The following WDR26 variants were observed in gnomAD, a reference collection of about 807,000 sequenced individuals.
The protein encoded by WDR26 is WD repeat-containing protein 26.
Under a neutral mutation model 84.1 loss-of-function variants are expected in WDR26, and 5 were observed. The ratio of observed to expected loss-of-function variants is 0.06; its 90% CI spans 0.03 to 0.13. The LOEUF (loss-of-function observed/expected upper bound fraction) is 0.13. Ranked by LOEUF, WDR26 falls within the 10% of genes least tolerant of loss-of-function variation. The pLI is 1.00. For missense variants in WDR26, 642 were observed against 974.9 expected (o/e 0.66, Z 4.55); for synonymous variants, 415 against 389.6 (o/e 1.07, Z -0.77).
intron 6 of WDR26, among the ~76,000 whole-genome samples, chr1:224,413,604 T>C (rs1673798608): frequency 6.6e-6 from 1 of 152,330 alleles, no homozygotes; most frequent in South Asian, 2.1e-4. Flanking sequence ...CCCATTTTCA[T>C]GAGGCTCAAA....
chr1:224,409,332 G>A (rs1340152811), intron 7 of WDR26, among the ~76,000 whole-genome samples: 1 of 152,060 alleles, frequency 6.6e-6, no homozygotes, highest in Non-Finnish European at 1.5e-5. Flanking sequence ...GCTTTCCTTA[G>A]TAATGAATAC....
chr1:224,405,795 A>G (rs569780344), intron 7 of WDR26, among the ~76,000 whole-genome samples: 1 of 152,334 alleles, frequency 6.6e-6, no homozygotes, highest in East Asian at 1.9e-4. Flanking sequence ...CAAGGCTGCA[A>G]GAGTTGACAT....
chr1:224,388,973 A>T lies in WDR26; in HGVS notation c.*862T>A, dbSNP rs543587833. 6.5e-6 allele frequency: 1 copy of T among 152,700 alleles called. No homozygotes were observed. The highest frequency in any genetic ancestry group is 1.9e-4 in the East Asian group (1 of 5,190). 9.5% of individuals were successfully genotyped at this position (152,700 alleles called of 1,614,324 possible). A position where few individuals can be genotyped will look rare whatever the true frequency, so the allele number is the denominator to read the frequency against. On this transcript the variant is annotated 3_prime_UTR_variant, in exon 14 of 14. Transcript: ENST00000414423. ...ACAAAAGGGGGGAAATCTTCAAAGC[A>T]TTACTCTGAATTTCTTGTGTAATGT...
intron 9 of WDR26, among the ~76,000 whole-genome samples, chr1:224,399,742 G>A (rs1031072690): frequency 2.0e-5 from 3 of 152,184 alleles, no homozygotes; most frequent in East Asian, 1.9e-4. Flanking sequence ...TGTTCCAAAC[G>A]AGCTTAATAA....
intron 7 of WDR26, among the ~76,000 whole-genome samples, chr1:224,405,852 C>T (rs1386206792): frequency 6.6e-6 from 1 of 152,114 alleles, no homozygotes; most frequent in East Asian, 1.9e-4. Context: ...TGTGAAAAGC[C>T]ACTTAAAATT....
chr1:224,408,884 A>T (rs1384499983), intron 7 of WDR26, among the ~76,000 whole-genome samples: 2 of 152,164 alleles, frequency 1.3e-5, no homozygotes, highest in Admixed American at 1.3e-4. Flanking sequence ...CCTGAGATCT[A>T]CAAGAATGGG....
intron 8 of WDR26, among the ~76,000 whole-genome samples, chr1:224,401,335 G>A (rs74364600): frequency 1.4e-4 from 22 of 152,180 alleles, no homozygotes; most frequent in East Asian, 5.8e-4. Flanking sequence ...ATCTCTCATC[G>A]CAAATCAATT....
intron 8 of WDR26, among the ~76,000 whole-genome samples, chr1:224,401,650 G>T (rs1004191031): frequency 6.3e-5 from 7 of 111,342 alleles, no homozygotes; most frequent in African/African-American, 2.6e-4. Context: ...CTCCAACCTG[G>T]GTGACAGAGT....
At chr1:224,400,774 G>C (rs1194901836) in intron 9 of WDR26, among the ~76,000 whole-genome samples, 176 bp downstream of exon 9, 2 of 152,192 alleles carry the variant, frequency 1.3e-5, no homozygotes, top group African/African-American at 2.4e-5. Context: ...TTGAACTCCT[G>C]ATCTCAGGTG....
At chr1:224,414,693 G>A (rs1231724036) in intron 6 of WDR26, among the ~76,000 whole-genome samples, 1 of 151,908 alleles carries the variant, frequency 6.6e-6, no homozygotes, top group East Asian at 1.9e-4. Flanking sequence ...TTAAATTTAG[G>A]TTCAGACCCA....
At position 224,398,609 on chromosome 1, in the gene WDR26, A is replaced by G. The variant is rs751955923; in HGVS notation, c.1866-16T>C. 1 of 1,579,904 alleles carries G rather than the reference A, an allele frequency of 6.3e-7. No homozygotes were observed. The highest frequency in any genetic ancestry group is 1.9e-5 in the Admixed American group (1 of 53,194). On this transcript the variant is annotated splice_polypyrimidine_tract_variant and intron_variant, in intron 10 of 13. Coordinates refer to ENST00000414423, the MANE Select transcript of WDR26 (RefSeq NM_001379403.1). ...TTCTTGTACTCTGGAACCAGAAAAT[A>G]ATTTGTCAAAAACAACATATTAACA...
chr1:224,406,061 A>G (rs1460832020), intron 7 of WDR26, among the ~76,000 whole-genome samples: 2 of 152,222 alleles, frequency 1.3e-5, no homozygotes, highest in African/African-American at 2.4e-5. Flanking sequence ...AAGAGGTCAG[A>G]ATCAAAAGAT....
intron 4 of WDR26, among the ~76,000 whole-genome samples, chr1:224,420,643 ACAG>A (rs1301221199): frequency 2.6e-5 from 4 of 152,206 alleles, no homozygotes; most frequent in Non-Finnish European, 5.9e-5. Flanking sequence ...CTCTTCCCAA[ACAG>A]CAGAACTACT....
At chr1:224,424,705 A>AGAAAAT in intron 3 of WDR26, 51 bp from the exon 4 acceptor site, 1 of 1,613,000 alleles carries the variant, frequency 6.2e-7, no homozygotes, top group Non-Finnish European at 8.5e-7. Context: ...TGGAAGTTTC[A>AGAAAAT]GAAAATGTTT....
chr1:224,434,616 TCG>T lies in WDR26; in HGVS notation c.-213_-212del. ...CAGCTCGGGGTGCGCGGCCCGGGGG[TCG>T]CGCCGGGGGGCGCCGCGGGGCGGCT... On this transcript the variant is annotated 5_prime_UTR_variant, in exon 1 of 14. Transcript: ENST00000414423. 2.2e-6 allele frequency: 1 copy of T among 460,738 alleles called. No homozygotes were observed. The highest frequency in any genetic ancestry group is 2.7e-6 in the Non-Finnish European group (1 of 373,764). 28.5% of individuals were successfully genotyped at this position (460,738 alleles called of 1,614,324 possible).
At chr1:224,425,814 CTTAAAA>C (rs2102920703) in intron 3 of WDR26, among the ~76,000 whole-genome samples, 1 of 152,120 alleles carries the variant, frequency 6.6e-6, no homozygotes, top group Admixed American at 6.5e-5. Context: ...CTCAAGTCCA[CTTAAAA>C]TTAAAACTTA....
intron 1 of WDR26, among the ~76,000 whole-genome samples, chr1:224,432,627 G>A (rs892686940): frequency 2.6e-5 from 4 of 152,132 alleles, no homozygotes; most frequent in South Asian, 2.1e-4. Flanking sequence ...TGATCTGCCT[G>A]AAAACCGAAA....
At chr1:224,401,202 C>A in intron 8 of WDR26, 133 bp from the exon 9 acceptor site, 1 of 847,418 alleles carries the variant, frequency 1.2e-6, no homozygotes, top group Non-Finnish European at 1.7e-6. Flanking sequence ...ATTAAGTGAC[C>A]CTACAAAAAA....
rs1674534952 is a variant in WDR26 at position 224,434,328 on chromosome 1, G to C, written c.78C>G (p.Pro26=). The change falls in exon 1 of 14, where the codon CCC becomes CCG. Residue 26 remains proline, a synonymous_variant. Transcript: ENST00000414423. The stretch of plus-strand genomic sequence containing the variant: ...CCGAGGCTCGGGGTTTCTTCCGCGG[G>C]GGCGGGGAGGCTCCGCCGGTGTCCG... 1 of 1,232,872 alleles carries C rather than the reference G, an allele frequency of 8.1e-7. No homozygotes were observed. The highest frequency in any genetic ancestry group is 1.0e-6 in the Non-Finnish European group (1 of 988,732). 76.4% of individuals were successfully genotyped at this position (1,232,872 alleles called of 1,614,324 possible).
Sources: allele counts gnomAD v4.1 joint callset (sites outside exome capture counted in the v4.1 genomes callset), GRCh38; gene constraint gnomAD v4.1.1; transcripts MANE v1.5; gene names NCBI Gene and HGNC (gene_info 2026-07-23, HGNC 2026-07-21).